ACAD11: variants seen among roughly 807,000 people sequenced by gnomAD.
The protein encoded by ACAD11 is acyl-CoA dehydrogenase family member 11, also known as acyl-Coenzyme A dehydrogenase family, member 11.
Under a neutral mutation model 102.2 loss-of-function variants are expected in ACAD11, and 83 were observed. The ratio of observed to expected loss-of-function variants is 0.81; its 90% CI spans 0.68 to 0.97. The LOEUF (loss-of-function observed/expected upper bound fraction) is 0.97, where lower values mean the gene tolerates loss of function less well. Ranked by LOEUF, ACAD11 falls within the 50% of genes least tolerant of loss-of-function variation. ACAD11 has a pLI of 0.00. For missense variants in ACAD11, 901 were observed against 951.7 expected (o/e 0.95, Z 0.70); for synonymous variants, 324 against 319.8 (o/e 1.01, Z -0.14).
chr3:132,617,401 C>T (rs1161152779), intron 11 of ACAD11, among the ~76,000 whole-genome samples: 2 of 152,008 alleles, frequency 1.3e-5, no homozygotes, highest in Non-Finnish European at 2.9e-5. Flanking sequence ...AAATTGGCCT[C>T]CTTCCTTCAT....
intron 8 of ACAD11, among the ~76,000 whole-genome samples, chr3:132,627,966 A>C (rs1463610669): frequency 2.0e-5 from 3 of 152,240 alleles, no homozygotes; most frequent in Admixed American, 2.0e-4. Context: ...ATATAACTTC[A>C]TGAAATGTAA....
intron 17 of ACAD11, among the ~76,000 whole-genome samples, chr3:132,565,424 C>T (rs1018784004): frequency 1.3e-5 from 2 of 152,174 alleles, no homozygotes; most frequent in Non-Finnish European, 2.9e-5. Flanking sequence ...GGACTTCTCT[C>T]TCTGCCTAGC....
At chr3:132,631,292 A>T in intron 6 of ACAD11, 49 bp downstream of exon 6, 2 of 1,171,412 alleles carry the variant, frequency 1.7e-6, no homozygotes, top group Non-Finnish European at 1.1e-6. Flanking sequence ...GAAAGTAATA[A>T]AGACAGTTTT....
rs879040997 is a variant in ACAD11, at chr3:132,603,416, T to C, written c.1523-89A>G. On this transcript the variant is annotated intron_variant, in intron 12 of 19. Coordinates refer to ENST00000264990, the MANE Select transcript of ACAD11 (RefSeq NM_032169.5). ...TATGAAAACTTTAAAAACAAAGACATCTTTATCTTTTTCAATGTCCTTTCA... is the reference window on the plus strand; with the variant it reads ...TATGAAAACTTTAAAAACAAAGACACCTTTATCTTTTTCAATGTCCTTTCA... 3.2e-5 allele frequency: 37 copies of C among 1,168,038 alleles called. No homozygotes were observed. The South Asian group carries it at 4.7e-4, about 15-fold the overall frequency. 72.4% of individuals were successfully genotyped at this position (1,168,038 alleles called of 1,614,324 possible).
chr3:132,592,829 C>G (rs143186564), intron 13 of ACAD11, among the ~76,000 whole-genome samples: 104 of 151,754 alleles, frequency 6.9e-4, no homozygotes, highest in African/African-American at 2.4e-3. Context: ...TTGTACAATC[C>G]CACAGTTAAA....
intron 1 of ACAD11, among the ~76,000 whole-genome samples, chr3:132,651,335 C>T (rs973021237): frequency 1.3e-5 from 2 of 152,156 alleles, no homozygotes; most frequent in Non-Finnish European, 2.9e-5. Context: ...CTATTACTCT[C>T]ATTAACACTA....
At chr3:132,656,007 G>A (rs954513890) in intron 1 of ACAD11, among the ~76,000 whole-genome samples, 4 of 152,180 alleles carry the variant, frequency 2.6e-5, no homozygotes, top group African/African-American at 9.7e-5. Context: ...ACTACCCGGA[G>A]AAAATTACTG....
chr3:132,599,747 G>T (rs1403220429), intron 13 of ACAD11, among the ~76,000 whole-genome samples: 1 of 152,000 alleles, frequency 6.6e-6, no homozygotes, highest in Non-Finnish European at 1.5e-5. Context: ...AGATAGTGGT[G>T]CTACTAAAAA....
chr3:132,563,269 A>C (rs115889630), intron 17 of ACAD11, among the ~76,000 whole-genome samples: 1,994 of 152,188 alleles, frequency 0.013, 43 homozygotes, highest in African/African-American at 0.045. Flanking sequence ...TCTTTTTCAA[A>C]TTGTTTTGGC....
At chr3:132,583,107 A>C (rs1937637902) in intron 13 of ACAD11, among the ~76,000 whole-genome samples, 1 of 152,182 alleles carries the variant, frequency 6.6e-6, no homozygotes, top group African/African-American at 2.4e-5. Flanking sequence ...ATTGATTGGA[A>C]TAGTTTCAGG....
chr3:132,587,667 C>T lies in ACAD11; in HGVS notation c.1622-8109G>A, dbSNP rs147814183. ...GGTTGAGCAATTTTAGATTGTATTC[C>T]GGACATTGTGATTTTTTTGTTTTGA... On this transcript the variant is annotated intron_variant, in intron 13 of 19. Transcript: ENST00000264990. Among the ~76,000 whole-genome samples the T allele has an allele frequency of 5.4e-3, 818 of 152,098 alleles. 8 individuals are homozygous for T. Among genetic ancestry groups the T allele is most frequent in the African/African-American group, 0.018 (755 of 41,490 alleles).
intron 9 of ACAD11, among the ~76,000 whole-genome samples, chr3:132,622,779 G>A (rs1193809877): frequency 1.3e-5 from 2 of 152,086 alleles, no homozygotes; most frequent in South Asian, 2.1e-4. Context: ...AGCATACTGC[G>A]TCCTCACTCA....
chr3:132,579,069 CAA>C (rs753863464), intron 14 of ACAD11, 188 bp from the exon 15 acceptor site: 1 of 1,492,278 alleles, frequency 6.7e-7, no homozygotes, highest in South Asian at 1.2e-5. Context: ...GGAACAGAAA[CAA>C]TGATTTGAAA....
At chr3:132,589,386 G>A (rs1166588833) in intron 13 of ACAD11, among the ~76,000 whole-genome samples, 3 of 152,108 alleles carry the variant, frequency 2.0e-5, no homozygotes, top group Non-Finnish European at 4.4e-5. Context: ...CTCAGTTGGG[G>A]TAATCTTTTA....
chr3:132,579,346 T>C (rs1937566216), intron 14 of ACAD11, 146 bp downstream of exon 14: 1 of 704,760 alleles, frequency 1.4e-6, no homozygotes, highest in African/African-American at 1.8e-5. Flanking sequence ...TAGAAAATAC[T>C]TGTGAAATAC....
In ACAD11 at chr3:132,586,788, C is replaced by T. The variant is rs182484718; in HGVS notation, c.1622-7230G>A. ...ATGTTTTTCAAGTAGAACATTTTATCATGCATCAAAAAGTCTATAATAGGC... is the reference window on the plus strand; with the variant it reads ...ATGTTTTTCAAGTAGAACATTTTATTATGCATCAAAAAGTCTATAATAGGC... On this transcript the variant is annotated intron_variant, in intron 13 of 19. Coordinates refer to ENST00000264990, the MANE Select transcript of ACAD11 (RefSeq NM_032169.5). Among the ~76,000 whole-genome samples, 221 of 152,258 alleles carry T rather than the reference C, an allele frequency of 1.5e-3. 2 individuals are homozygous for T. The highest frequency in any genetic ancestry group is 4.6e-3 in the African/African-American group (193 of 41,548).
chr3:132,592,647 A>G (rs868475672), intron 13 of ACAD11, among the ~76,000 whole-genome samples: 2 of 152,342 alleles, frequency 1.3e-5, no homozygotes, highest in Middle Eastern at 3.4e-3. Context: ...ATTACATACT[A>G]TGAAGCATAG....
In ACAD11 at chr3:132,631,369, T is replaced by C; in HGVS notation, c.813A>G (p.Ile271Met). 6.6e-7 allele frequency: 1 copy of C among 1,513,144 alleles called. No individual in the cohort carries two copies. The highest frequency in any genetic ancestry group is 8.9e-7 in the Non-Finnish European group (1 of 1,127,112). 93.7% of individuals were successfully genotyped at this position (1,513,144 alleles called of 1,614,324 possible). A position where few individuals can be genotyped will look rare whatever the true frequency, so the allele number is the denominator to read the frequency against. ...AGTTTTCACTATAAGAACCTTGATT[T>C]ATCATTGGAACTGTCCTTGGCCAAA... is the stretch of plus-strand genomic sequence containing the variant. The part of the protein sequence containing the change: ...FYFWPRTVPM[I>M]NQGSYSENSG... Residue 271 changes from isoleucine (I) to methionine (M), a missense_variant, in exon 6 of 20, where the codon ATA (isoleucine) becomes ATG (methionine). Coordinates refer to ENST00000264990, the MANE Select transcript of ACAD11 (RefSeq NM_032169.5).
intron 17 of ACAD11, among the ~76,000 whole-genome samples, chr3:132,570,335 A>G (rs1359879248): frequency 6.6e-6 from 1 of 152,166 alleles, no homozygotes; most frequent in African/African-American, 2.4e-5. Context: ...TTGGTTTCCA[A>G]TTCTAAACAC....
Sources: gnomAD v4.1 joint callset for allele counts (sites outside exome capture counted in the v4.1 genomes callset) on GRCh38, gnomAD v4.1.1 for gene constraint, MANE v1.5 for transcripts, NCBI Gene and HGNC (gene_info 2026-07-23, HGNC 2026-07-21) for gene names.